The following ITIH6 variants were observed in gnomAD, a reference collection of about 807,000 sequenced individuals.
The protein encoded by ITIH6 is inter-alpha-trypsin inhibitor heavy chain H6.
In ITIH6, 60 loss-of-function variants were observed where a neutral mutation model predicts 58.2. The observed-to-expected ratio is 1.03, with a 90% CI of 0.84 to 1.28. ITIH6 has a LOEUF of 1.28. ITIH6 is among the 50% of genes most tolerant of loss of function. ITIH6 has a pLI of 0.00. For synonymous variants in ITIH6, 493 were observed against 417.4 expected (o/e 1.18, Z -2.21); for missense variants, 1,290 against 1,021.1 (o/e 1.26, Z -3.59).
intron 8 of ITIH6, 113 bp downstream of exon 8, chrX:54,756,846 AAGCAAG>A: frequency 2.2e-6 from 1 of 457,252 alleles, no homozygotes; most frequent in Non-Finnish European, 3.5e-6. Flanking sequence ...GCAAGCAAGC[AAGCAAG>A]GAAGCAGCTG....
intron 6 of ITIH6, among the ~76,000 whole-genome samples, chrX:54,772,723 T>C (rs758874189): frequency 1.1e-3 from 127 of 112,099 alleles, no homozygotes; most frequent in Admixed American, 3.7e-3. Flanking sequence ...TTTATCTGGC[T>C]ATGAGTTAGG....
chrX:54,758,197 G>T lies in ITIH6; in HGVS notation c.1877C>A (p.Thr626Asn). The T allele has an allele frequency of 1.7e-6, 2 of 1,211,274 alleles. No individual in the cohort carries two copies. Among genetic ancestry groups the T allele is most frequent in the Non-Finnish European group, 2.2e-6 (2 of 895,126 alleles). Residue 626 changes from threonine to asparagine, a missense_variant, in exon 8 of 13, where the codon ACC becomes AAC. By Grantham distance (65) the Thr-to-Asn change is moderately conservative (BLOSUM62 0). Transcript: ENST00000218436. ...CATGATGGTGTCTGGCCCAGCAGAG[G>T]TGGAAGTCTGTCTCCTGGTCTCCTC... ...ASEETRRQTS[T>N]SAGPDTIMPS...
intron 6 of ITIH6, 31 bp downstream of exon 6, chrX:54,774,050 G>T: frequency 1.1e-6 from 1 of 911,629 alleles, no homozygotes; most frequent in South Asian, 2.2e-5. Flanking sequence ...CTGATACTAG[G>T]ACTAAGAAAG....
rs769165975 is a variant in ITIH6 at position 54,758,994 on chromosome X, T to A, written c.1080A>T (p.Thr360=). The change falls in exon 8 of 13, where the codon ACA becomes ACT. Residue 360 remains threonine (T), a synonymous_variant. Coordinates refer to ENST00000218436, the MANE Select transcript of ITIH6 (RefSeq NM_198510.3). The stretch of plus-strand genomic sequence containing the variant: ...CTGCCAGCAGAGCTGAGTTGACGTC[T>A]GTCCCTAATTGGGGAATAGATTGTG... The part of the protein sequence containing the change: ...YLHCMEADGW[T]DVNSALLAAA... The A allele has an allele frequency of 8.8e-7, 1 of 1,142,082 alleles. No homozygotes were observed. Among genetic ancestry groups the A allele is most frequent in the East Asian group, 3.1e-5 (1 of 32,084 alleles). The allele number at this position is 1,142,082 out of a possible 1,213,427, so 94.1% of individuals were successfully genotyped here.
chrX:54,751,198 G>T lies in ITIH6; in HGVS notation c.3535C>A (p.Pro1179Thr). 8.3e-7 allele frequency: 1 copy of T among 1,211,953 alleles called. No homozygotes were observed. The highest frequency in any genetic ancestry group is 1.7e-5 in the African/African-American group (1 of 57,911). The change falls in exon 12 of 13, where the codon CCT (proline) becomes ACT (threonine). Residue 1179 changes from proline to threonine, a missense_variant. Physicochemically the swap from Pro to Thr is conservative, Grantham distance 38 (BLOSUM62 -1). Coordinates refer to ENST00000218436, the MANE Select transcript of ITIH6 (RefSeq NM_198510.3). ...EGTLRLSWDQPALLKRPQLEL... is the reference protein window; with the variant it reads ...EGTLRLSWDQTALLKRPQLEL... ...AGCTGGGGCCTCTTCAGCAGGGCAGGTTGGTCCCAGGACAGGCGCAAGGTA... is the reference window on the plus strand; with the variant it reads ...AGCTGGGGCCTCTTCAGCAGGGCAGTTTGGTCCCAGGACAGGCGCAAGGTA...
rs1010437207 is a variant in ITIH6 at position 54,788,516 on chromosome X, G to A, written c.750C>T (p.Tyr250=). The A allele has an allele frequency of 1.4e-5, 17 of 1,208,486 alleles. No individual in the cohort carries two copies. The African/African-American group carries it at 1.8e-4, about 13-fold the overall frequency. Residue 250 remains tyrosine (Y), a synonymous_variant, in exon 5 of 13, where the codon TAC becomes TAT. Coordinates refer to ENST00000218436, the MANE Select transcript of ITIH6 (RefSeq NM_198510.3). ...CAATGATGTCCTCCATGACCACATC[G>A]TACTGAACCAGGAAGTCAGCCATGA... ...SGIMADFLVQ[Y]DVVMEDIIGD... is the part of the protein sequence containing the mutation.
chrX:54,774,213 A>G lies in ITIH6; in HGVS notation c.787-16T>C. 1.0e-6 allele frequency: 1 copy of G among 962,298 alleles called. No individual in the cohort carries two copies. Among genetic ancestry groups the G allele is most frequent in the Non-Finnish European group, 1.4e-6 (1 of 699,291 alleles). 79.3% of individuals were successfully genotyped at this position (962,298 alleles called of 1,213,427 possible). On this transcript the variant is annotated splice_polypyrimidine_tract_variant and intron_variant, in intron 5 of 12. Transcript: ENST00000218436. ...CATCGTAAATCTGGACCAAAAAAAA[A>G]AAAAAAAAAGTAGAACCAAGAAGAA...
At chrX:54,765,594 C>CTTTTTTTTTTTT in intron 6 of ITIH6, among the ~76,000 whole-genome samples, 1 of 79,211 alleles carries the variant, frequency 1.3e-5, no homozygotes, top group Non-Finnish European at 2.5e-5. Flanking sequence ...TATTTCTTTT[C>CTTTTTTTTTTTT]TTTTTTTTTT....
At chrX:54,755,370 G>C (rs1300041285) in intron 8 of ITIH6, among the ~76,000 whole-genome samples, 1 of 112,421 alleles carries the variant, frequency 8.9e-6, no homozygotes, top group Non-Finnish European at 1.9e-5. Flanking sequence ...GGTATATGGT[G>C]GTGAAAAATA....
At chrX:54,777,586 C>A (rs1354155829) in intron 5 of ITIH6, among the ~76,000 whole-genome samples, 1 of 111,090 alleles carries the variant, frequency 9.0e-6, no homozygotes, top group African/African-American at 3.2e-5. Flanking sequence ...ACACCCCCTG[C>A]TTCAGGTGGC....
chrX:54,762,170 A>T lies in ITIH6; in HGVS notation c.904-2243T>A, dbSNP rs766334074. Among the ~76,000 whole-genome samples, 3 of 111,333 alleles carry T rather than the reference A, an allele frequency of 2.7e-5. No homozygotes were observed. In the Admixed American group the frequency reaches 2.9e-4, roughly 11 times the overall value. ...GTCCTTCACATCCCTTGTAAGTTGG[A>T]TTCCTAGGTATTTTATTCTCTTTGA... On this transcript the variant is annotated intron_variant, in intron 6 of 12. Coordinates refer to ENST00000218436, the MANE Select transcript of ITIH6 (RefSeq NM_198510.3).
In ITIH6 at chrX:54,774,101, A is replaced by C. The variant is rs1240656835; in HGVS notation, c.883T>G (p.Phe295Val). ...VFVIDVSSSMFGTKMEQTKTA... is the reference protein window; with the variant it reads ...VFVIDVSSSMVGTKMEQTKTA... ...GTTACCTGTTCCATCTTGGTACCAA[A>C]CATGGAGCTGCTTACGTCAATAACA... Residue 295 changes from phenylalanine to valine, a missense_variant, in exon 6 of 13, where the codon TTT becomes GTT. Transcript: ENST00000218436. The C allele has an allele frequency of 8.4e-7, 1 of 1,183,785 alleles. No individual in the cohort carries two copies. The highest frequency in any genetic ancestry group is 1.8e-5 in the African/African-American group (1 of 55,839).
Position 54,756,960 on chromosome X carries a change from C to G in ITIH6, c.3109+5G>C, listed in dbSNP as rs1206592380. On this transcript the variant is annotated splice_donor_5th_base_variant and intron_variant, in intron 8 of 12. Coordinates refer to ENST00000218436, the MANE Select transcript of ITIH6 (RefSeq NM_198510.3). Reference sequence around the variant, plus strand: ...ATGGCTCGACCTCTTACCCATGGCACTCACCATCTTCATCAGGAGTGAGGA... The same window carrying G: ...ATGGCTCGACCTCTTACCCATGGCAGTCACCATCTTCATCAGGAGTGAGGA... The G allele has an allele frequency of 1.7e-6, 2 of 1,143,369 alleles. No individual in the cohort carries two copies. Among genetic ancestry groups the G allele is most frequent in the African/African-American group, 3.6e-5 (2 of 56,032 alleles). 94.2% of individuals were successfully genotyped at this position (1,143,369 alleles called of 1,213,427 possible). A position where few individuals can be genotyped will look rare whatever the true frequency, so the allele number is the denominator to read the frequency against.
chrX:54,767,538 A>T (rs1351220647), intron 6 of ITIH6, among the ~76,000 whole-genome samples: 10 of 92,410 alleles, frequency 1.1e-4, no homozygotes, highest in East Asian at 3.4e-4. Context: ...AGTGCTATAA[A>T]TTTCCCTCTA....
chrX:54,773,871 A>G (rs971707069), intron 6 of ITIH6, among the ~76,000 whole-genome samples: 4 of 109,788 alleles, frequency 3.6e-5, no homozygotes, highest in South Asian at 4.0e-4. Flanking sequence ...ACAGTGACCA[A>G]TGTGTCAATG....
intron 11 of ITIH6, 105 bp from the exon 12 acceptor site, chrX:54,751,485 G>A (rs945105353): frequency 7.4e-6 from 7 of 948,283 alleles, no homozygotes; most frequent in Non-Finnish European, 1.0e-5. Flanking sequence ...GTGGCTAGAG[G>A]GCCGACTCCT....
chrX:54,768,589 G>C (rs776022841), intron 6 of ITIH6, among the ~76,000 whole-genome samples: 5,294 of 107,063 alleles, frequency 0.049, 471 homozygotes, highest in African/African-American at 0.18. Flanking sequence ...CAGGCCTGGT[G>C]GTGACAAAAT....
intron 5 of ITIH6, among the ~76,000 whole-genome samples, chrX:54,784,363 T>G (rs1457443029): frequency 9.0e-6 from 1 of 111,477 alleles, no homozygotes; most frequent in Non-Finnish European, 1.9e-5. Flanking sequence ...GTTAAAAAGC[T>G]TCTACACTGC....
At chrX:54,795,396 T>A (rs1008341520) in intron 2 of ITIH6, among the ~76,000 whole-genome samples, 3 of 112,156 alleles carry the variant, frequency 2.7e-5, no homozygotes, top group African/African-American at 9.7e-5. Context: ...AATGAATAAG[T>A]ATATATGTTT....
Sources: gnomAD v4.1 joint callset for allele counts (sites outside exome capture counted in the v4.1 genomes callset) on GRCh38, gnomAD v4.1.1 for gene constraint, MANE v1.5 for transcripts, NCBI Gene and HGNC (gene_info 2026-07-23, HGNC 2026-07-21) for gene names.